UNC79: variants seen among roughly 807,000 people sequenced by gnomAD.
UNC79 encodes protein unc-79 homolog.
UNC79 carries 37 observed loss-of-function variants against 283.1 expected under a neutral mutation model. That is an observed-to-expected ratio of 0.13 (90% CI 0.10 to 0.17). The LOEUF is 0.17. UNC79 is among the 10% of genes least tolerant of loss of function. The probability of loss-of-function intolerance (pLI) is 1.00; values close to 1 mark genes in which losing one functional copy is unlikely to be tolerated. For missense variants in UNC79, 2,272 were observed against 3,211.1 expected, an observed-to-expected ratio of 0.71 and a Z score of 7.07; for synonymous variants, 1,107 against 1,200.2, an observed-to-expected ratio of 0.92 and a Z score of 1.61.
intron 11 of UNC79, among the ~76,000 whole-genome samples, chr14:93,532,874 T>C (rs192462398): frequency 6.6e-6 from 1 of 152,318 alleles, no homozygotes; most frequent in African/African-American, 2.4e-5. Context: ...GTTTGAATTA[T>C]ACTGCAATTT....
At chr14:93,428,639 T>G (rs933032769), upstream of UNC79, among the ~76,000 whole-genome samples, 1 of 152,164 alleles carries the variant, frequency 6.6e-6, no homozygotes. Flanking sequence ...CTTTGGAGGC[T>G]CCGAAGCATC....
intron 1 of UNC79, among the ~76,000 whole-genome samples, chr14:93,460,733 T>C (rs989461748): frequency 6.6e-6 from 1 of 152,014 alleles, no homozygotes; most frequent in East Asian, 1.9e-4. Flanking sequence ...ATTAAAGATG[T>C]GTGCACATCT....
intron 1 of UNC79, among the ~76,000 whole-genome samples, chr14:93,461,575 TG>T (rs1331647574): frequency 3.3e-5 from 5 of 152,196 alleles, no homozygotes; most frequent in African/African-American, 1.2e-4. Context: ...GTTGAACTGC[TG>T]TAAAAAGCCA....
In UNC79 at chr14:93,421,633, C is replaced by A. The variant is rs1328902243; in HGVS notation, c.-350-46038C>A. Reference sequence around the variant, plus strand: ...AATATTACCCTGATACTAAACCAGACAAAGAAACATCAAAAAGAAAAAAAG... The same window carrying A: ...AATATTACCCTGATACTAAACCAGAAAAAGAAACATCAAAAAGAAAAAAAG... On this transcript the variant is annotated intron_variant, in intron 1 of 49. Coordinates refer to the UNC79 transcript ENST00000256339. 6.6e-5 allele frequency among the ~76,000 whole-genome samples: 10 copies of A among 151,322 alleles called. 1 individual carries two copies. The highest frequency in any genetic ancestry group is 3.4e-3 in the Middle Eastern group (1 of 292).
Position 93,662,618 on chromosome 14 carries a change from AT to A in UNC79, c.6544del (p.Ser2182GlnfsTer7). The A allele has an allele frequency of 1.2e-6, 2 of 1,606,336 alleles. No individual in the cohort carries two copies. The highest frequency in any genetic ancestry group is 1.7e-6 in the Non-Finnish European group (2 of 1,174,918). On this transcript the variant is annotated frameshift_variant, in exon 40 of 49. Transcript: ENST00000555664. LOFTEE classifies it high-confidence loss of function. ...TCTCATTGCAGAGTTTGTTGGAACC[AT>A]TTTCAAAACTGCTCAGCTTTGTAAT...
chr14:93,426,084 G>A (rs924976277), upstream of UNC79, among the ~76,000 whole-genome samples: 22 of 152,036 alleles, frequency 1.4e-4, no homozygotes, highest in Admixed American at 4.6e-4. Context: ...TTTTTTGTGT[G>A]TGCCAAATAT....
chr14:93,467,715 C>G, exon 2 of UNC79: 2 of 1,328,724 alleles, frequency 1.5e-6, no homozygotes, highest in Non-Finnish European at 1.9e-6. Context: ...TAACCGGGTT[C>G]TCCACAACAT....
At chr14:93,681,442 G>A (rs968701736) in intron 41 of UNC79, among the ~76,000 whole-genome samples, 1 of 152,190 alleles carries the variant, frequency 6.6e-6, no homozygotes, top group Non-Finnish European at 1.5e-5. Flanking sequence ...TTAAACCCCT[G>A]ACTAGCCCGA....
intron 17 of UNC79, among the ~76,000 whole-genome samples, chr14:93,576,447 AAAAG>A (rs948640570): frequency 1.3e-5 from 2 of 152,226 alleles, no homozygotes; most frequent in African/African-American, 4.8e-5. Context: ...AAAAAGAAAA[AAAAG>A]AGAGAGAAAT....
chr14:93,376,960 C>A (rs1357081045), intron 1 of UNC79, among the ~76,000 whole-genome samples: 1 of 150,064 alleles, frequency 6.7e-6, no homozygotes, highest in Non-Finnish European at 1.5e-5. Flanking sequence ...TGCAAGGATG[C>A]AAATGACAAG....
At chr14:93,520,331 A>G (rs2060264792) in intron 7 of UNC79, among the ~76,000 whole-genome samples, 1 of 151,530 alleles carries the variant, frequency 6.6e-6, no homozygotes, top group South Asian at 2.1e-4. Flanking sequence ...GCTATTTTTA[A>G]GATTTTCTTC....
At chr14:93,669,459 G>A (rs1040729340) in intron 40 of UNC79, among the ~76,000 whole-genome samples, 12 of 152,024 alleles carry the variant, frequency 7.9e-5, no homozygotes, top group African/African-American at 1.2e-4. Flanking sequence ...ACAAAAGTCC[G>A]GATCCAGAAC....
chr14:93,622,881 A>G, intron 30 of UNC79, 40 bp downstream of exon 32: 1 of 1,586,714 alleles, frequency 6.3e-7, no homozygotes, highest in Non-Finnish European at 8.6e-7. Flanking sequence ...CTTAACTTTA[A>G]GTTTGTGCAT....
chr14:93,604,909 C>T, intron 26 of UNC79: 2 of 1,582,276 alleles, frequency 1.3e-6, no homozygotes, highest in South Asian at 1.1e-5. Flanking sequence ...TGAGGTTGAC[C>T]AGGCATGAGC....
intron 1 of UNC79, among the ~76,000 whole-genome samples, chr14:93,448,372 A>T (rs2056531239): frequency 6.6e-6 from 1 of 151,582 alleles, no homozygotes; most frequent in South Asian, 2.1e-4. Context: ...TGATTTTTTT[A>T]TTTCTGCTGA....
intron 35 of UNC79, among the ~76,000 whole-genome samples, chr14:93,648,550 T>C (rs1002214953): frequency 6.6e-6 from 1 of 152,092 alleles, no homozygotes; most frequent in Non-Finnish European, 1.5e-5. Flanking sequence ...GAATGACTCC[T>C]AGGTTTTGGT....
At chr14:93,623,231 G>C (rs2067277995) in intron 30 of UNC79, among the ~76,000 whole-genome samples, 1 of 152,146 alleles carries the variant, frequency 6.6e-6, no homozygotes, top group Non-Finnish European at 1.5e-5. Flanking sequence ...CTATGATATA[G>C]TCCAAAGAAG....
chr14:93,480,250 T>C (rs1272064119), intron 4 of UNC79, among the ~76,000 whole-genome samples: 1 of 152,182 alleles, frequency 6.6e-6, no homozygotes, highest in Non-Finnish European at 1.5e-5. Flanking sequence ...ATTAGAGGAG[T>C]AACTTGGCAT....
chr14:93,416,605 A>C (rs2055464506), intron 1 of UNC79, among the ~76,000 whole-genome samples: 1 of 152,100 alleles, frequency 6.6e-6, no homozygotes, highest in Non-Finnish European at 1.5e-5. Flanking sequence ...TGATCTGTCT[A>C]ATGTTGACAG....
Sources: allele counts gnomAD v4.1 joint callset (sites outside exome capture counted in the v4.1 genomes callset), GRCh38; gene constraint gnomAD v4.1.1; transcripts MANE v1.5; gene names NCBI Gene and HGNC (gene_info 2026-07-23, HGNC 2026-07-21).